POLQ: variants seen among roughly 807,000 people sequenced by gnomAD.
POLQ encodes the protein epididymis secretory sperm binding protein.
In POLQ, 233 loss-of-function variants were observed where a neutral mutation model predicts 259.2. That is an observed-to-expected ratio of 0.90 (90% CI 0.81 to 1.00). The LOEUF (loss-of-function observed/expected upper bound fraction) is 1.00. Ranked by LOEUF, POLQ falls within the 50% of genes least tolerant of loss-of-function variation. The pLI is 0.00. For missense variants in POLQ, 2,871 were observed against 3,051.6 expected, an observed-to-expected ratio of 0.94 and a Z score of 1.39; for synonymous variants, 1,025 against 1,048.8, an observed-to-expected ratio of 0.98 and a Z score of 0.44.
chr3:121,440,098 G>T lies in POLQ; in HGVS notation c.7283C>A (p.Thr2428Lys). The change falls in exon 27 of 30, where the codon ACA becomes AAA. Residue 2428 changes from threonine to lysine, a missense_variant. Around this residue, in one of 3 missense-constraint regions of POLQ, gnomAD observed 2,080 missense variants for 2,126.0 expected, o/e 0.98. Transcript: ENST00000264233. The part of the protein sequence containing the change: ...SRYTGINQFM[T>K]ETVKNCKRDG... ...TCTTTTACAATTCTTCACTGTCTCTGTCATGAATTGATTAATCCCTACAAA... is the reference window on the plus strand; with the variant it reads ...TCTTTTACAATTCTTCACTGTCTCTTTCATGAATTGATTAATCCCTACAAA... 6.2e-7 allele frequency: 1 copy of T among 1,605,466 alleles called. No individual in the cohort carries two copies. Among genetic ancestry groups the T allele is most frequent in the Non-Finnish European group, 8.5e-7 (1 of 1,172,500 alleles).
In POLQ at chr3:121,529,635, C is replaced by A; in HGVS notation, c.1108+10G>T. ...AAGCATGAAGGCTTTCCTTTCCATC[C>A]ATAACTCACCCTCAGCTTGATGATG... On this transcript the variant is annotated intron_variant, in intron 7 of 29. Transcript: ENST00000264233. The A allele has an allele frequency of 6.2e-7, 1 of 1,611,776 alleles. No individual in the cohort carries two copies.
intron 17 of POLQ, among the ~76,000 whole-genome samples, chr3:121,484,140 C>G (rs1307394637): frequency 1.3e-5 from 2 of 152,110 alleles, no homozygotes; most frequent in African/African-American, 4.8e-5. Context: ...TGCAAAACAA[C>G]TGAAAATATT....
Position 121,533,187 on chromosome 3 carries a change from G to A in POLQ, c.763C>T (p.Leu255=). The A allele has an allele frequency of 1.9e-6, 3 of 1,601,498 alleles. No homozygotes were observed. Among genetic ancestry groups the A allele is most frequent in the Non-Finnish European group, 1.7e-6 (2 of 1,173,408 alleles). The change falls in exon 6 of 30, where the codon CTG becomes TTG. Residue 255 remains leucine, a synonymous_variant. Transcript: ENST00000264233. ...ASCQADLASS[L]SNAVQIVGMS... ...CCAACGATTTGCACAGCATTAGACA[G>A]AGAACTGGCTAGATCTGCCTGACTG...
At chr3:121,513,866 T>C (rs2048274862) in intron 9 of POLQ, among the ~76,000 whole-genome samples, 1 of 150,266 alleles carries the variant, frequency 6.7e-6, no homozygotes, top group African/African-American at 2.5e-5. Flanking sequence ...CTACTAGAAA[T>C]ACAAAATTAG....
chr3:121,448,759 G>A (rs2047649942), intron 26 of POLQ, among the ~76,000 whole-genome samples: 1 of 152,118 alleles, frequency 6.6e-6, no homozygotes, highest in Admixed American at 6.5e-5. Flanking sequence ...TGGGATGATA[G>A]AGTAATGGTT....
intron 15 of POLQ, among the ~76,000 whole-genome samples, chr3:121,492,930 C>T (rs902074530): frequency 1.3e-5 from 2 of 151,660 alleles, no homozygotes; most frequent in African/African-American, 4.8e-5. Context: ...AGGAGTGAGT[C>T]ACTGTGCCCA....
At chr3:121,515,534 T>A (rs761017334) in intron 9 of POLQ, among the ~76,000 whole-genome samples, 5 of 152,104 alleles carry the variant, frequency 3.3e-5, no homozygotes, top group Non-Finnish European at 7.4e-5. Context: ...AGCTTGTGGG[T>A]TCACCTGATA....
chr3:121,520,152 T>C (rs1280164856), intron 8 of POLQ, 69 bp from the exon 9 acceptor site: 4 of 874,822 alleles, frequency 4.6e-6, no homozygotes, highest in Non-Finnish European at 7.4e-6. Context: ...CACTTACAAA[T>C]GGATTTGAGA....
chr3:121,544,631 C>T, intron 2 of POLQ, 96 bp downstream of exon 2: 1 of 728,976 alleles, frequency 1.4e-6, no homozygotes, highest in South Asian at 1.8e-5. Flanking sequence ...AAAGCACTGC[C>T]TCATTCACCT....
intron 6 of POLQ, among the ~76,000 whole-genome samples, chr3:121,530,964 C>T (rs565145296): frequency 1.3e-5 from 2 of 152,054 alleles, no homozygotes; most frequent in African/African-American, 4.8e-5. Flanking sequence ...TTTGGGAGGC[C>T]GAGGCCTGAG....
chr3:121,486,091 G>C (rs2048008519), intron 16 of POLQ, among the ~76,000 whole-genome samples: 1 of 152,132 alleles, frequency 6.6e-6, no homozygotes, highest in Non-Finnish European at 1.5e-5. Context: ...CAAGGTTTTG[G>C]AAGCAACATT....
At position 121,538,954 on chromosome 3, in the gene POLQ, T is replaced by C. The variant is rs951559641; in HGVS notation, c.631+479A>G. ...ATAATGGCAAAAAAATGCATTAAGA[T>C]AGAAAATCTTCCCACAATCCCAAGC... is the stretch of plus-strand genomic sequence containing the variant. On this transcript the variant is annotated intron_variant, in intron 4 of 29. Coordinates refer to ENST00000264233, the MANE Select transcript of POLQ (RefSeq NM_199420.4). Among the ~76,000 whole-genome samples, 5 of 152,292 alleles carry C rather than the reference T, an allele frequency of 3.3e-5. No homozygotes were observed. In the East Asian group the frequency reaches 9.6e-4, roughly 29 times the overall value.
In POLQ at chr3:121,460,099, A is replaced by G; in HGVS notation, c.7103T>C (p.Met2368Thr). The G allele has an allele frequency of 6.2e-7, 1 of 1,614,090 alleles. No individual in the cohort carries two copies. Among genetic ancestry groups the G allele is most frequent in the Non-Finnish European group, 8.5e-7 (1 of 1,179,980 alleles). The change falls in exon 25 of 30, where the codon ATG (methionine) becomes ACG (threonine). Residue 2368 changes from methionine to threonine, a missense_variant. This residue lies in a region of POLQ where 2,080 missense variants were observed against 2,126.0 expected (regional missense o/e 0.98). Coordinates refer to ENST00000264233, the MANE Select transcript of POLQ (RefSeq NM_199420.4). ...ATCCCCAACAGACTCTGGCTCAATC[A>G]TCTTCCACTCTGCTGCAATGCTCCT... is the stretch of plus-strand genomic sequence containing the variant. ...VFRSIAAEWK[M>T]IEPESVGDDL...
At chr3:121,473,727 C>CTTTTT (rs10636473) in intron 20 of POLQ, among the ~76,000 whole-genome samples, 10 of 114,254 alleles carry the variant, frequency 8.8e-5, no homozygotes, top group East Asian at 2.8e-4. Flanking sequence ...AACACAAGGC[C>CTTTTT]TTTTTTTTTT....
Position 121,533,540 on chromosome 3 carries a change from G to A in POLQ, c.741-331C>T, listed in dbSNP as rs201029521. Among the ~76,000 whole-genome samples the A allele has an allele frequency of 2.0e-5, 3 of 152,036 alleles. No individual in the cohort carries two copies. The East Asian group carries it at 5.8e-4, about 29-fold the overall frequency. ...GGTAGTATTTCTTTTTTTTTAGACA[G>A]GGTCTTGCTCTGTCACCCAGGCTGG... On this transcript the variant is annotated intron_variant, in intron 5 of 29. Transcript: ENST00000264233.
chr3:121,441,629 A>C (rs1177005370), intron 26 of POLQ, among the ~76,000 whole-genome samples: 1 of 152,178 alleles, frequency 6.6e-6, no homozygotes, highest in Admixed American at 6.5e-5. Context: ...TTGTTTATAC[A>C]TTTTCCTGTT....
chr3:121,460,025 T>C (rs2047777933), intron 25 of POLQ, 25 bp downstream of exon 25: 1 of 1,577,478 alleles, frequency 6.3e-7, no homozygotes, highest in Non-Finnish European at 8.7e-7. Context: ...TTCTCCTTTA[T>C]ATTAACCATG....
intron 22 of POLQ, among the ~76,000 whole-genome samples, chr3:121,469,885 C>T (rs970937780): frequency 6.6e-6 from 1 of 151,998 alleles, no homozygotes; most frequent in Admixed American, 6.6e-5. Flanking sequence ...TAAGTAAAAT[C>T]AGTAATAAAA....
intron 14 of POLQ, among the ~76,000 whole-genome samples, chr3:121,496,507 G>A (rs2048126019): frequency 6.6e-6 from 1 of 152,122 alleles, no homozygotes; most frequent in Admixed American, 6.5e-5. Context: ...GGAGACCACA[G>A]AGAACTTTGT....
Sources: allele counts gnomAD v4.1 joint callset (sites outside exome capture counted in the v4.1 genomes callset), GRCh38; gene constraint gnomAD v4.1.1; regional missense constraint gnomAD v4.1.1; transcripts MANE v1.5; gene names NCBI Gene and HGNC (gene_info 2026-07-23, HGNC 2026-07-21).